The following OPHN1 variants were observed in gnomAD, a reference collection of about 807,000 sequenced individuals.
OPHN1 encodes oligophrenin 1.
In OPHN1, 11 loss-of-function variants were observed where a neutral mutation model predicts 60.7. That is an observed-to-expected ratio of 0.18 (90% CI 0.11 to 0.30). The LOEUF (loss-of-function observed/expected upper bound fraction) is 0.30. Ranked by LOEUF, OPHN1 falls within the 10% of genes least tolerant of loss-of-function variation. The pLI is 1.00. For missense variants in OPHN1, 449 were observed against 611.0 expected (o/e 0.73, Z 2.80); for synonymous variants, 226 against 222.6 (o/e 1.02, Z -0.14).
chrX:68,094,225 C>T (rs1269523650), intron 19 of OPHN1, among the ~76,000 whole-genome samples: 1 of 111,048 alleles, frequency 9.0e-6, no homozygotes, highest in African/African-American at 3.3e-5. Flanking sequence ...CTCTGTAGGG[C>T]TATTTGTGGA....
At chrX:68,166,859 C>G (rs1436923491) in intron 15 of OPHN1, among the ~76,000 whole-genome samples, 6 of 112,038 alleles carry the variant, frequency 5.4e-5, no homozygotes, top group Non-Finnish European at 1.1e-4. Flanking sequence ...AACTAGAACC[C>G]TATCTCTTGC....
intron 15 of OPHN1, among the ~76,000 whole-genome samples, chrX:68,170,046 A>G (rs1180013710): frequency 2.7e-5 from 3 of 109,511 alleles, no homozygotes; most frequent in Non-Finnish European, 5.7e-5. Flanking sequence ...ACAAAGGGCT[A>G]ATATCCAGAA....
chrX:68,105,661 G>GT (rs1302982266), intron 18 of OPHN1, among the ~76,000 whole-genome samples: 13 of 104,110 alleles, frequency 1.2e-4, no homozygotes, highest in African/African-American at 4.2e-4. Context: ...CTGTCGGGGG[G>GT]TGGGGGGCTA....
intron 15 of OPHN1, among the ~76,000 whole-genome samples, chrX:68,143,521 C>G (rs781429695): frequency 9.0e-6 from 1 of 111,478 alleles, no homozygotes; most frequent in East Asian, 2.8e-4. Context: ...AGTGAGGAGA[C>G]AGTGACTACT....
intron 15 of OPHN1, among the ~76,000 whole-genome samples, chrX:68,173,229 T>C (rs1388522687): frequency 3.6e-5 from 4 of 111,424 alleles, no homozygotes; most frequent in African/African-American, 1.3e-4. Context: ...CTACAGTATT[T>C]CCAACAGCCC....
At chrX:68,308,459 G>C (rs1354041596) in intron 2 of OPHN1, among the ~76,000 whole-genome samples, 3 of 109,090 alleles carry the variant, frequency 2.8e-5, no homozygotes, top group Non-Finnish European at 5.7e-5. Flanking sequence ...AGGCGTGGTG[G>C]TGTGTGCCTG....
intron 2 of OPHN1, among the ~76,000 whole-genome samples, chrX:68,322,127 G>C (rs962717881): frequency 3.7e-5 from 4 of 109,575 alleles, no homozygotes; most frequent in Non-Finnish European, 5.7e-5. Context: ...TACATCACTG[G>C]ACCCAGCTAA....
chrX:68,209,992 C>CTTTTTTTTTTT, intron 9 of OPHN1, 161 bp downstream of exon 9: 6 of 442,247 alleles, frequency 1.4e-5, no homozygotes, highest in Admixed American at 3.4e-5. Context: ...TCAGTTTCTC[C>CTTTTTTTTTTT]TTTTTTTTTT....
intron 5 of OPHN1, among the ~76,000 whole-genome samples, chrX:68,273,739 C>A (rs758780915): frequency 1.8e-5 from 2 of 111,898 alleles, no homozygotes; most frequent in East Asian, 5.6e-4. Flanking sequence ...GAACGTAAAG[C>A]TAAAAAGACC....
At chrX:68,061,690 C>T (rs2076893604) in intron 21 of OPHN1, among the ~76,000 whole-genome samples, 1 of 111,681 alleles carries the variant, frequency 9.0e-6, no homozygotes, top group African/African-American at 3.3e-5. Context: ...AACAGGTGAA[C>T]TGTTTTCCCA....
chrX:68,407,948 A>C (rs1487305540), intron 2 of OPHN1, among the ~76,000 whole-genome samples: 1 of 112,189 alleles, frequency 8.9e-6, no homozygotes. Context: ...CTAACATTTA[A>C]TTTTCTGCAT....
In OPHN1 at chrX:68,054,882, T is replaced by G. The variant is rs770859787; in HGVS notation, c.2159-1072A>C. ...AGTGGATCTTTATATTCATCCATTT[T>G]TTTCTACAAAAATATTTACAGTAAA... On this transcript the variant is annotated intron_variant, in intron 21 of 24. Coordinates refer to ENST00000355520, the MANE Select transcript of OPHN1 (RefSeq NM_002547.3). Among the ~76,000 whole-genome samples the G allele has an allele frequency of 1.3e-4, 15 of 112,204 alleles. No homozygotes were observed. In the South Asian group the frequency reaches 3.0e-3, roughly 22 times the overall value.
intron 10 of OPHN1, among the ~76,000 whole-genome samples, chrX:68,205,971 TGTGTGTGA>T (rs201199633): frequency 0.071 from 3,588 of 50,726 alleles, 101 homozygotes; most frequent in African/African-American, 0.18. Flanking sequence ...TGTGTGTGAG[TGTGTGTGA>T]GTGTGTGTGT....
chrX:68,292,271 T>C (rs1194831041), intron 3 of OPHN1, among the ~76,000 whole-genome samples: 2 of 111,732 alleles, frequency 1.8e-5, no homozygotes, highest in African/African-American at 6.5e-5. Context: ...TGGTATATTA[T>C]GTCAGAATTA....
At chrX:68,274,611 G>T in intron 5 of OPHN1, 127 bp downstream of exon 5, 1 of 475,655 alleles carries the variant, frequency 2.1e-6, no homozygotes, top group East Asian at 3.9e-5. Flanking sequence ...CACAGTTTAG[G>T]AGGCTGACTA....
At chrX:68,111,726 G>C in intron 18 of OPHN1, 128 bp downstream of exon 18, 2 of 519,879 alleles carry the variant, frequency 3.8e-6, no homozygotes, top group East Asian at 7.0e-5. Flanking sequence ...TCCTCACAGA[G>C]CATTCAGCTT....
chrX:68,217,273 A>G (rs2077616730), intron 6 of OPHN1, among the ~76,000 whole-genome samples: 1 of 111,938 alleles, frequency 8.9e-6, no homozygotes, highest in African/African-American at 3.2e-5. Flanking sequence ...GGCTCGGAGG[A>G]TCCTACGCCC....
chrX:68,219,560 C>T (rs1285530493), intron 6 of OPHN1, among the ~76,000 whole-genome samples: 1 of 109,982 alleles, frequency 9.1e-6, no homozygotes, highest in African/African-American at 3.3e-5. Context: ...TGTAAAAGAA[C>T]AGAAATTATA....
chrX:68,328,417 C>T (rs1002336614), intron 2 of OPHN1, among the ~76,000 whole-genome samples: 1 of 113,016 alleles, frequency 8.8e-6, no homozygotes, highest in African/African-American at 3.2e-5. Flanking sequence ...CGTGAGCCAC[C>T]GCGCCCAGCC....
Sources: gnomAD v4.1 joint callset for allele counts (sites outside exome capture counted in the v4.1 genomes callset) on GRCh38, gnomAD v4.1.1 for gene constraint, MANE v1.5 for transcripts, NCBI Gene and HGNC (gene_info 2026-07-23, HGNC 2026-07-21) for gene names.